Variants in ANKIB1 observed in about 807,000 individuals in gnomAD.
ANKIB1 encodes the protein ankyrin repeat and IBR domain containing 1.
In ANKIB1, 43 loss-of-function variants were observed where a neutral mutation model predicts 122.1. The observed-to-expected ratio is 0.35, with a 90% CI of 0.28 to 0.45. The LOEUF (loss-of-function observed/expected upper bound fraction) is 0.45, where lower values mean the gene tolerates loss of function less well. Among genes scored for constraint, ANKIB1 ranks in the 20% least tolerant of loss-of-function variants. ANKIB1 has a pLI of 1.00. For missense variants in ANKIB1, 992 were observed against 1,329.5 expected (o/e 0.75, Z 3.95); for synonymous variants, 390 against 442.0 (o/e 0.88, Z 1.48).
rs1220509089 is a variant in ANKIB1 at position 92,396,393 on chromosome 7, G to C, written c.2312G>C (p.Arg771Thr). The change falls in exon 18 of 20, where the codon AGG becomes ACG. Residue 771 changes from arginine to threonine, a missense_variant. Around this residue, in one of 4 missense-constraint regions of ANKIB1, gnomAD observed 384 missense variants for 412.0 expected, o/e 0.93. Transcript: ENST00000265742. ...EEYAEFQYRR[R>T]HRQRRRGDVH... ...TATGCTGAATTTCAGTATCGGAGGA[G>C]GCACAGACAACGTCGTCGAGGAGAT... The C allele has an allele frequency of 1.3e-6, 2 of 1,594,612 alleles. No individual in the cohort carries two copies. Among genetic ancestry groups the C allele is most frequent in the African/African-American group, 2.7e-5 (2 of 74,570 alleles).
intron 1 of ANKIB1, among the ~76,000 whole-genome samples, chr7:92,276,922 A>G (rs1801917557): frequency 6.6e-6 from 1 of 152,210 alleles, no homozygotes; most frequent in African/African-American, 2.4e-5. Context: ...GCCTGGTGGA[A>G]GGTGATTGGA....
chr7:92,345,817 A>C (rs1803527108), intron 7 of ANKIB1, among the ~76,000 whole-genome samples: 1 of 151,898 alleles, frequency 6.6e-6, no homozygotes, highest in African/African-American at 2.4e-5. Context: ...TTTTAAATAG[A>C]GTATCAGTTA....
intron 5 of ANKIB1, among the ~76,000 whole-genome samples, chr7:92,335,649 A>T (rs1803272279): frequency 6.6e-6 from 1 of 151,720 alleles, no homozygotes; most frequent in African/African-American, 2.4e-5. Context: ...TTTTTTCTTT[A>T]TCTGATACTA....
intron 7 of ANKIB1, among the ~76,000 whole-genome samples, chr7:92,347,411 C>A (rs890599585): frequency 6.6e-6 from 1 of 152,092 alleles, no homozygotes. Flanking sequence ...ACATTGGACA[C>A]CCCCTGCTTT....
rs1019761528 is a variant in ANKIB1, at chr7:92,370,457, G to A, written c.1487-1020G>A. 1.2e-3 allele frequency among the ~76,000 whole-genome samples: 163 copies of A among 134,516 alleles called. 1 individual carries two copies. The highest frequency in any genetic ancestry group is 4.2e-3 in the African/African-American group (153 of 36,062). The allele number at this position is 134,516 out of a possible 152,430, so 88.2% of individuals were successfully genotyped here. A position where few individuals can be genotyped will look rare whatever the true frequency, so the allele number is the denominator to read the frequency against. ...CGGGAGGTGGAGCTTGCAGTGAGCC[G>A]AGATCGAGCCACTGCACTCCAGCCT... On this transcript the variant is annotated intron_variant, in intron 10 of 19. Coordinates refer to ENST00000265742, the MANE Select transcript of ANKIB1 (RefSeq NM_019004.2).
At chr7:92,332,837 T>G (rs1160035602) in intron 5 of ANKIB1, among the ~76,000 whole-genome samples, 3 of 152,224 alleles carry the variant, frequency 2.0e-5, no homozygotes, top group African/African-American at 7.2e-5. Context: ...CTGAGCTCCA[T>G]ATTTCATACT....
intron 3 of ANKIB1, among the ~76,000 whole-genome samples, chr7:92,309,786 G>A (rs1168645275): frequency 2.0e-5 from 3 of 150,516 alleles, no homozygotes; most frequent in Non-Finnish European, 4.4e-5. Flanking sequence ...TTAGCCAGGC[G>A]TGGTGGCAGG....
At chr7:92,261,210 G>A (rs1002376158) in intron 1 of ANKIB1, among the ~76,000 whole-genome samples, 3 of 151,534 alleles carry the variant, frequency 2.0e-5, no homozygotes, top group South Asian at 4.2e-4. Flanking sequence ...TTAGCCAGGC[G>A]TGGTAGCGGG....
intron 9 of ANKIB1, among the ~76,000 whole-genome samples, chr7:92,356,814 G>A (rs532373668): frequency 1.3e-5 from 2 of 152,336 alleles, no homozygotes; most frequent in Admixed American, 1.3e-4. Context: ...CTCTGTGCAT[G>A]TAAAATGGGG....
At chr7:92,297,610 T>C (rs532769955) in intron 2 of ANKIB1, among the ~76,000 whole-genome samples, 58 of 152,160 alleles carry the variant, frequency 3.8e-4, no homozygotes, top group Non-Finnish European at 6.5e-4. Context: ...CCTAAACTTA[T>C]TTCACTCTTA....
chr7:92,263,557 T>C (rs1405767837), intron 1 of ANKIB1, among the ~76,000 whole-genome samples: 7 of 152,200 alleles, frequency 4.6e-5, no homozygotes, highest in Non-Finnish European at 1.0e-4. Context: ...CCAGATTTGG[T>C]AATATCTCTG....
chr7:92,318,939 A>G (rs563957165), intron 3 of ANKIB1, among the ~76,000 whole-genome samples: 1 of 152,354 alleles, frequency 6.6e-6, no homozygotes, highest in South Asian at 2.1e-4. Context: ...AATTAACAGT[A>G]TCAGCAGTGT....
chr7:92,354,756 AG>A (rs1803751131), intron 9 of ANKIB1, among the ~76,000 whole-genome samples: 1 of 152,164 alleles, frequency 6.6e-6, no homozygotes, highest in Admixed American at 6.5e-5. Context: ...TTAAAATCTA[AG>A]TGGAAATTGT....
chr7:92,270,509 A>G (rs1182343975), intron 1 of ANKIB1, among the ~76,000 whole-genome samples: 3 of 152,154 alleles, frequency 2.0e-5, no homozygotes, highest in Non-Finnish European at 4.4e-5. Context: ...AGTAGAAGAA[A>G]ACTTTTATTT....
intron 4 of ANKIB1, among the ~76,000 whole-genome samples, chr7:92,326,939 A>G (rs1481847905): frequency 6.6e-6 from 1 of 152,154 alleles, no homozygotes; most frequent in Admixed American, 6.5e-5. Flanking sequence ...CAGCCTCCCT[A>G]GTAGCTGAGA....
intron 11 of ANKIB1, among the ~76,000 whole-genome samples, chr7:92,382,488 A>G (rs1008831443): frequency 1.3e-5 from 2 of 152,250 alleles, no homozygotes; most frequent in African/African-American, 2.4e-5. Flanking sequence ...CGTAGTTGGA[A>G]GTAAAGCACT....
At chr7:92,251,924 T>C (rs1801338534) in intron 1 of ANKIB1, among the ~76,000 whole-genome samples, 1 of 152,210 alleles carries the variant, frequency 6.6e-6, no homozygotes, top group East Asian at 1.9e-4. Context: ...GGTTGTTATG[T>C]CTGTTCGTAG....
intron 1 of ANKIB1, among the ~76,000 whole-genome samples, chr7:92,255,166 T>G (rs1301366342): frequency 6.6e-6 from 1 of 152,210 alleles, no homozygotes. Context: ...ATCAGCAATG[T>G]GAAAATGGAC....
intron 11 of ANKIB1, among the ~76,000 whole-genome samples, chr7:92,375,331 A>G (rs762204353): frequency 6.6e-6 from 1 of 152,192 alleles, no homozygotes; most frequent in Non-Finnish European, 1.5e-5. Context: ...ATACTGTATT[A>G]TAGAATTTGA....
Sources: allele counts gnomAD v4.1 joint callset (sites outside exome capture counted in the v4.1 genomes callset), GRCh38; gene constraint gnomAD v4.1.1; regional missense constraint gnomAD v4.1.1; transcripts MANE v1.5; gene names NCBI Gene and HGNC (gene_info 2026-07-23, HGNC 2026-07-21).